UTP11: variants seen among roughly 807,000 people sequenced by gnomAD.
UTP11 encodes UTP11 small subunit processome component.
A neutral mutation model predicts 39.0 loss-of-function variants in UTP11; 29 were observed. The observed-to-expected ratio is 0.74, with a 90% CI of 0.55 to 1.01. The LOEUF (loss-of-function observed/expected upper bound fraction) is 1.01. Ranked by LOEUF, UTP11 falls within the 50% of genes least tolerant of loss-of-function variation. The probability of loss-of-function intolerance (pLI) is 0.00; values close to 1 mark genes in which losing one functional copy is unlikely to be tolerated. For synonymous variants in UTP11, 111 were observed against 105.0 expected, an observed-to-expected ratio of 1.06 and a Z score of -0.35; for missense variants, 281 against 306.0, an observed-to-expected ratio of 0.92 and a Z score of 0.61.
At position 38,022,863 on chromosome 1, in the gene UTP11, T is replaced by C. The variant is rs1457814821; in HGVS notation, c.678+54T>C. The C allele has an allele frequency of 4.3e-5, 54 of 1,245,832 alleles. No individual in the cohort carries two copies. In the Admixed American group the frequency reaches 8.5e-4, roughly 20 times the overall value. The allele number at this position is 1,245,832 out of a possible 1,614,324, so 77.2% of individuals were successfully genotyped here. A position where few individuals can be genotyped will look rare whatever the true frequency, so the allele number is the denominator to read the frequency against. On this transcript the variant is annotated intron_variant, in intron 7 of 7. Coordinates refer to ENST00000373014, the MANE Select transcript of UTP11 (RefSeq NM_016037.4). Reference sequence around the variant, plus strand: ...TTTTTTTTTTCCCCCTTTTCTTTCTTGTAAAGGTCTTAACTCAGACTAGAT... The same window carrying C: ...TTTTTTTTTTCCCCCTTTTCTTTCTCGTAAAGGTCTTAACTCAGACTAGAT...
intron 3 of UTP11, 99 bp downstream of exon 3, chr1:38,017,869 C>G (rs1646715309): frequency 9.3e-7 from 1 of 1,073,630 alleles, no homozygotes; most frequent in Non-Finnish European, 1.4e-6. Flanking sequence ...CTTAATTTAA[C>G]CCTTCTCTGG....
chr1:38,019,519 T>G (rs972920882), intron 6 of UTP11, 136 bp downstream of exon 6: 1 of 808,886 alleles, frequency 1.2e-6, no homozygotes, highest in Non-Finnish European at 1.6e-6. Flanking sequence ...AGAGTCTCAC[T>G]GTCTCCCAGG....
intron 3 of UTP11, 137 bp downstream of exon 3, chr1:38,017,907 C>T (rs1411579683): frequency 2.8e-6 from 2 of 725,216 alleles, no homozygotes; most frequent in Non-Finnish European, 4.5e-6. Context: ...GGTCAGTGTC[C>T]AAGGCAAACC....
In UTP11 at chr1:38,023,897, G is replaced by A. The variant is rs1646751591; in HGVS notation, c.*269G>A. 4.0e-6 allele frequency: 1 copy of A among 248,152 alleles called. No individual in the cohort carries two copies. The highest frequency in any genetic ancestry group is 2.3e-5 in the African/African-American group (1 of 44,028). 15.4% of individuals were successfully genotyped at this position (248,152 alleles called of 1,614,324 possible). A position where few individuals can be genotyped will look rare whatever the true frequency, so the allele number is the denominator to read the frequency against. ...TTTGTTGCCAGGCTGGAAGTGCAGT[G>A]TGTGATTATGGCTCACTGCAACTTT... is the stretch of plus-strand genomic sequence containing the variant. On this transcript the variant is annotated 3_prime_UTR_variant, in exon 8 of 8. Coordinates refer to ENST00000373014, the MANE Select transcript of UTP11 (RefSeq NM_016037.4).
In UTP11 at chr1:38,014,737, G is replaced by A. The variant is rs150232789; in HGVS notation, c.64-1622G>A. ...CTTCAGGCTCGACCCCCTCACTCAA[G>A]CCATTCTTTTGCCTCAGCTTCCTGA... On this transcript the variant is annotated intron_variant, in intron 1 of 7. Transcript: ENST00000373014. Among the ~76,000 whole-genome samples, 4 of 152,214 alleles carry A rather than the reference G, an allele frequency of 2.6e-5. No homozygotes were observed. The East Asian group carries it at 5.8e-4, about 22-fold the overall frequency.
intron 2 of UTP11, 142 bp downstream of exon 2, chr1:38,016,562 A>G: frequency 1.3e-6 from 1 of 793,158 alleles, no homozygotes; most frequent in Non-Finnish European, 2.1e-6. Context: ...CTGTCAGATA[A>G]TTTTTTCTGT....
At chr1:38,016,539 A>G in intron 2 of UTP11, 119 bp downstream of exon 2, 1 of 989,944 alleles carries the variant, frequency 1.0e-6, no homozygotes, top group Non-Finnish European at 1.6e-6. Context: ...AAAATGGCCA[A>G]AGCTCTGGCA....
intron 6 of UTP11, 100 bp from the exon 7 acceptor site, chr1:38,022,599 G>T: frequency 1.3e-6 from 1 of 748,258 alleles, no homozygotes. Context: ...GAAGGGAGTT[G>T]ATGAAACTAT....
At chr1:38,020,222 C>T (rs952908013) in intron 6 of UTP11, among the ~76,000 whole-genome samples, 1 of 152,118 alleles carries the variant, frequency 6.6e-6, no homozygotes, top group Admixed American at 6.6e-5. Flanking sequence ...CTGCCTCAGC[C>T]TCCTGGGTAG....
chr1:38,021,661 G>A (rs893021498), intron 6 of UTP11, among the ~76,000 whole-genome samples: 7 of 152,214 alleles, frequency 4.6e-5, no homozygotes, highest in Non-Finnish European at 1.0e-4. Context: ...GGGAGGCCAA[G>A]GCAGGTGGAT....
chr1:38,022,913 A>G (rs1044089821), intron 7 of UTP11, 104 bp downstream of exon 7: 10 of 779,098 alleles, frequency 1.3e-5, no homozygotes, highest in Non-Finnish European at 2.1e-5. Context: ...AATCAACCCC[A>G]GTGAAAATGT....
chr1:38,019,159 A>C lies in UTP11; in HGVS notation c.436+7A>C, dbSNP rs1042353306. On this transcript the variant is annotated splice_region_variant and intron_variant, in intron 5 of 7. Transcript: ENST00000373014. ...TTTGACACCAAAAAGGAAGGTATGA[A>C]ATGTTTGAAGGTTTCTGGGACAGTC... is the stretch of plus-strand genomic sequence containing the variant. The C allele has an allele frequency of 1.9e-6, 3 of 1,613,916 alleles. No homozygotes were observed. Among genetic ancestry groups the C allele is most frequent in the African/African-American group, 1.3e-5 (1 of 74,904 alleles).
Position 38,018,560 on chromosome 1 carries a change from AGGGT to A in UTP11, c.326_329del (p.Arg109MetfsTer10). On this transcript the variant is annotated frameshift_variant, in exon 4 of 8. Transcript: ENST00000373014. LOFTEE classifies it high-confidence loss of function. ...GGACGTCAAATATATAGAAATGAAGAGGGTTGCAGAAGCTAAGGTAATTCACTCT... is the reference window on the plus strand; with the variant it reads ...GGACGTCAAATATATAGAAATGAAGATGCAGAAGCTAAGGTAATTCACTCT... 23 of 1,609,964 alleles carry A rather than the reference AGGGT, an allele frequency of 1.4e-5. No homozygotes were observed. Among genetic ancestry groups the A allele is most frequent in the Non-Finnish European group, 1.8e-5 (21 of 1,176,912 alleles).
chr1:38,013,011 G>A (rs1646687024), intron 1 of UTP11, 146 bp downstream of exon 1: 1 of 1,028,412 alleles, frequency 9.7e-7, no homozygotes. Flanking sequence ...GGCGTGGCTG[G>A]GGCGGAGCTT....
chr1:38,014,649 T>C (rs1007780520), intron 1 of UTP11, among the ~76,000 whole-genome samples: 24 of 152,194 alleles, frequency 1.6e-4, no homozygotes, highest in African/African-American at 5.8e-4. Flanking sequence ...ATTTTACTTA[T>C]GTTTTTGAGA....
At chr1:38,016,554 G>A in intron 2 of UTP11, 134 bp downstream of exon 2, 1 of 865,390 alleles carries the variant, frequency 1.2e-6, no homozygotes, top group Non-Finnish European at 1.9e-6. Flanking sequence ...CTGGCAGCCT[G>A]TCAGATAATT....
chr1:38,015,474 T>C (rs1646702852), intron 1 of UTP11, among the ~76,000 whole-genome samples: 1 of 152,220 alleles, frequency 6.6e-6, no homozygotes, highest in Non-Finnish European at 1.5e-5. Flanking sequence ...TTCTTGGGCA[T>C]ATCATTCTCT....
At chr1:38,016,712 A>G (rs1646708874) in intron 2 of UTP11, 1 of 346,338 alleles carries the variant, frequency 2.9e-6, no homozygotes, top group South Asian at 3.1e-5. Flanking sequence ...TTTGAGCCCA[A>G]AGTTGAATCT....
At chr1:38,018,057 C>T (rs1646716194) in intron 3 of UTP11, among the ~76,000 whole-genome samples, 3 of 152,002 alleles carry the variant, frequency 2.0e-5, no homozygotes, top group South Asian at 2.1e-4. Context: ...TGTTAGCATA[C>T]AGCATTTGGT....
Sources: gnomAD v4.1 joint callset for allele counts (sites outside exome capture counted in the v4.1 genomes callset) on GRCh38, gnomAD v4.1.1 for gene constraint, MANE v1.5 for transcripts, NCBI Gene and HGNC (gene_info 2026-07-23, HGNC 2026-07-21) for gene names.